The following C2CD2 variants were observed in gnomAD, a reference collection of about 807,000 sequenced individuals.
C2CD2 encodes C2 domain-containing protein 2.
A neutral mutation model predicts 74.3 loss-of-function variants in C2CD2; 43 were observed. The observed-to-expected ratio is 0.58, with a 90% confidence interval of 0.45 to 0.75. The LOEUF (loss-of-function observed/expected upper bound fraction) is 0.75, where lower values mean the gene tolerates loss of function less well. C2CD2 is among the 30% of genes least tolerant of loss of function. C2CD2 has a pLI of 0.00. For missense variants in C2CD2, 801 were observed against 916.3 expected (o/e 0.87, Z 1.63); for synonymous variants, 422 against 390.7 (o/e 1.08, Z -0.94).
chr21:41,919,043 C>T, intron 3 of C2CD2, 83 bp from the exon 4 acceptor site: 1 of 942,402 alleles, frequency 1.1e-6, no homozygotes, highest in Non-Finnish European at 1.7e-6. Flanking sequence ...ACTGTGTGAG[C>T]ATGTGTGTGT....
chr21:41,950,637 A>T (rs1263473760), intron 1 of C2CD2, among the ~76,000 whole-genome samples: 1 of 152,204 alleles, frequency 6.6e-6, no homozygotes, highest in Non-Finnish European at 1.5e-5. Flanking sequence ...CCAAGTTGAT[A>T]CTGCATCCCA....
intron 11 of C2CD2, among the ~76,000 whole-genome samples, chr21:41,902,281 A>G (rs933077589): frequency 6.6e-6 from 1 of 152,212 alleles, no homozygotes; most frequent in Non-Finnish European, 1.5e-5. Flanking sequence ...GCCTAAATAC[A>G]TAGAATAGTA....
intron 2 of C2CD2, among the ~76,000 whole-genome samples, chr21:41,931,427 T>TC (rs2065260274): frequency 1.9e-4 from 1 of 5,322 alleles, no homozygotes; most frequent in African/African-American, 9.9e-4. Context: ...GAAGAGTGTC[T>TC]TTTTTTTTTT....
At chr21:41,940,028 A>G (rs1208119248) in intron 2 of C2CD2, among the ~76,000 whole-genome samples, 1 of 152,206 alleles carries the variant, frequency 6.6e-6, no homozygotes, top group Non-Finnish European at 1.5e-5. Context: ...TTTGAGGGCC[A>G]ATGTGATGCT....
At position 41,953,413 on chromosome 21, in the gene C2CD2, G is replaced by A; in HGVS notation, c.236C>T (p.Ala79Val). ...CTCGTTCAGGGCGGTCACCCAGGCC[G>A]CCTGCCACTGGCTCCTCCAGCTGCC... is the stretch of plus-strand genomic sequence containing the variant. ...TLGSWRSQWQ[A>V]AWVTALNEEA... Residue 79 changes from alanine (A) to valine (V), a missense_variant, in exon 1 of 14, where the codon GCG (alanine) becomes GTG (valine). Physicochemically the swap from Ala to Val is moderately conservative, Grantham distance 64. Coordinates refer to ENST00000380486, the MANE Select transcript of C2CD2 (RefSeq NM_015500.2). The A allele has an allele frequency of 1.4e-6, 2 of 1,396,532 alleles. No homozygotes were observed. The highest frequency in any genetic ancestry group is 1.9e-6 in the Non-Finnish European group (2 of 1,073,104). The allele number at this position is 1,396,532 out of a possible 1,614,324, so 86.5% of individuals were successfully genotyped here. A position where few individuals can be genotyped will look rare whatever the true frequency, so the allele number is the denominator to read the frequency against.
chr21:41,914,972 G>A (rs559128669), intron 5 of C2CD2, among the ~76,000 whole-genome samples: 8 of 152,180 alleles, frequency 5.3e-5, no homozygotes, highest in Non-Finnish European at 7.3e-5. Flanking sequence ...AGTACAAGTA[G>A]CAGTGCATTC....
rs941724851 is a variant in C2CD2 at position 41,907,601 on chromosome 21, C to T, written c.1143+59G>A. 1.6e-5 allele frequency: 25 copies of T among 1,570,416 alleles called. No individual in the cohort carries two copies. In the African/African-American group the frequency reaches 2.1e-4, roughly 13 times the overall value. The stretch of plus-strand genomic sequence containing the variant: ...GAGACTCTGCAGACATAAGTGAAGA[C>T]GCTCCTTGGGTAAGTGCCCCAAGCC... On this transcript the variant is annotated intron_variant, in intron 9 of 13. Transcript: ENST00000380486.
rs944442156 is a variant in C2CD2 at position 41,887,457 on chromosome 21, A to G, written c.*1667T>C. 6.6e-6 allele frequency: 1 copy of G among 152,122 alleles called. No individual in the cohort carries two copies. The highest frequency in any genetic ancestry group is 6.5e-5 in the Admixed American group (1 of 15,286). 9.4% of individuals were successfully genotyped at this position (152,122 alleles called of 1,614,324 possible). ...TCTCTCTCTCTAAAAAAGAAGAAAA[A>G]AAAATCCTATAATTTTGGTTTTTAT... On this transcript the variant is annotated 3_prime_UTR_variant, in exon 14 of 14. Transcript: ENST00000380486.
chr21:41,899,097 C>T lies in C2CD2; in HGVS notation c.1826G>A (p.Ser609Asn). Residue 609 changes from serine to asparagine, a missense_variant, in exon 13 of 14, where the codon AGC becomes AAC. By Grantham distance (46) the Ser-to-Asn change is conservative (BLOSUM62 1). Transcript: ENST00000380486. The surrounding 1 kb of genome is among the most constrained non-coding windows in gnomAD (Gnocchi z 4.4). ...LDPDGDELSE[S>N]SMSVLEPGTA... The stretch of plus-strand genomic sequence containing the variant: ...GCCCGGCTCCAAGACACTCATGGAG[C>T]TCTCTGACAGCTCATCACCGTCGGG... 6.2e-7 allele frequency: 1 copy of T among 1,614,024 alleles called. No homozygotes were observed. Among genetic ancestry groups the T allele is most frequent in the Admixed American group, 1.7e-5 (1 of 60,028 alleles).
intron 13 of C2CD2, chr21:41,894,487 T>TA: frequency 2.6e-6 from 1 of 381,092 alleles, no homozygotes; most frequent in Admixed American, 3.1e-5. Context: ...TCCATGCTGC[T>TA]AAGGACAGCG....
At position 41,889,265 on chromosome 21, in the gene C2CD2, G is replaced by A. The variant is rs1447503874; in HGVS notation, c.1950C>T (p.His650=). The A allele has an allele frequency of 1.9e-6, 3 of 1,613,924 alleles. No homozygotes were observed. Among genetic ancestry groups the A allele is most frequent in the African/African-American group, 1.3e-5 (1 of 74,926 alleles). Residue 650 remains histidine, a synonymous_variant, in exon 14 of 14, where the codon CAC becomes CAT. Transcript: ENST00000380486. ...GCTGCTCCAGGAACACAAGGTCATT[G>A]TGTGACTGACTCATGCCTGGGTCTT... ...QQKDPGMSQS[H]NDLVFLEQPE...
intron 1 of C2CD2, chr21:41,942,924 G>A (rs2065367361): frequency 2.0e-6 from 2 of 980,754 alleles, no homozygotes; most frequent in Non-Finnish European, 2.4e-6. Context: ...AGGTTCACCT[G>A]TGCCCGTGGC....
At chr21:41,940,617 C>A (rs2065346665) in intron 2 of C2CD2, among the ~76,000 whole-genome samples, 1 of 152,122 alleles carries the variant, frequency 6.6e-6, no homozygotes, top group Non-Finnish European at 1.5e-5. Flanking sequence ...GAAGAGCAGC[C>A]CAACTTTACA....
In C2CD2 at chr21:41,929,403, G is replaced by T. The variant is rs1310403392; in HGVS notation, c.379-7318C>A. ...CATGCCACAACGTGTGCCATGCGGG[G>T]TACTGCACGGGCACAGGCCTGCCCT... On this transcript the variant is annotated intron_variant, in intron 2 of 13. Transcript: ENST00000380486. The surrounding 1 kb of genome is among the most constrained non-coding windows in gnomAD (Gnocchi z 4.6). 6.6e-6 allele frequency among the ~76,000 whole-genome samples: 1 copy of T among 152,206 alleles called. No individual in the cohort carries two copies. The highest frequency in any genetic ancestry group is 1.5e-5 in the Non-Finnish European group (1 of 68,032).
Position 41,907,665 on chromosome 21 carries a change from C to G in C2CD2, c.1138G>C (p.Ala380Pro), listed in dbSNP as rs988186667. The change falls in exon 9 of 14, where the codon GCA becomes CCA. Residue 380 changes from alanine (A) to proline (P), a missense_variant. Coordinates refer to ENST00000380486, the MANE Select transcript of C2CD2 (RefSeq NM_015500.2). ...CGSSVLGSVT[A>P]EFSYMEPGEL... ...GGCGGACAGCCTCGCCCTACCTCTG[C>G]CGTGACCGAGCCCAGCACCGAGCTG... 1 of 1,611,170 alleles carries G rather than the reference C, an allele frequency of 6.2e-7. No homozygotes were observed. The highest frequency in any genetic ancestry group is 8.5e-7 in the Non-Finnish European group (1 of 1,179,538).
In C2CD2 at chr21:41,924,829, G is replaced by A. The variant is rs1306304989; in HGVS notation, c.379-2744C>T. Reference sequence around the variant, plus strand: ...AGACTCAGAGCCTCAACCCGAGCAAGAAAGAATTTCATTTTCTTTCGTATC... The same window carrying A: ...AGACTCAGAGCCTCAACCCGAGCAAAAAAGAATTTCATTTTCTTTCGTATC... On this transcript the variant is annotated intron_variant, in intron 2 of 13. Transcript: ENST00000380486. This position sits in a 1 kb window ranked among gnomAD's most constrained non-coding sequence, Gnocchi z 4.4. Among the ~76,000 whole-genome samples the A allele has an allele frequency of 2.0e-5, 3 of 152,176 alleles. No individual in the cohort carries two copies. Among genetic ancestry groups the A allele is most frequent in the Non-Finnish European group, 4.4e-5 (3 of 68,040 alleles).
chr21:41,888,971 A>G lies in C2CD2; in HGVS notation c.*153T>C, dbSNP rs538794615. The G allele has an allele frequency of 3.1e-6, 2 of 651,950 alleles. No individual in the cohort carries two copies. The highest frequency in any genetic ancestry group is 5.4e-6 in the Non-Finnish European group (2 of 373,482). The allele number at this position is 651,950 out of a possible 1,614,324, so 40.4% of individuals were successfully genotyped here. On this transcript the variant is annotated 3_prime_UTR_variant, in exon 14 of 14. Transcript: ENST00000380486. ...AGAAGCCTCCTGGCTGGAGACTCAG[A>G]TTTTGTTTTCCCTTTAAATGACGAG...
At chr21:41,894,020 T>C (rs766752655) in intron 13 of C2CD2, among the ~76,000 whole-genome samples, 10 of 152,216 alleles carry the variant, frequency 6.6e-5, no homozygotes, top group Non-Finnish European at 1.2e-4. Context: ...ATTTCATAGT[T>C]CAACATCAAT....
rs139918700 is a variant in C2CD2, at chr21:41,886,009, C to G, written c.*3115G>C. The G allele has an allele frequency of 4.1e-4, 62 of 152,448 alleles. No individual in the cohort carries two copies. The highest frequency in any genetic ancestry group is 1.4e-3 in the African/African-American group (60 of 41,546). The allele number at this position is 152,448 out of a possible 1,614,324, so 9.4% of individuals were successfully genotyped here. A position where few individuals can be genotyped will look rare whatever the true frequency, so the allele number is the denominator to read the frequency against. On this transcript the variant is annotated 3_prime_UTR_variant, in exon 14 of 14. Transcript: ENST00000380486. ...TTTTTGTTATTGCTACAATAACACA[C>G]GCGTGTGTGCAAACACACATAACAC...
Sources: gnomAD v4.1 joint callset for allele counts (sites outside exome capture counted in the v4.1 genomes callset) on GRCh38, gnomAD v4.1.1 for gene constraint, Gnocchi (gnomAD v3.1) non-coding constraint, MANE v1.5 for transcripts, NCBI Gene and HGNC (gene_info 2026-07-23, HGNC 2026-07-21) for gene names.